The following PPP2R3A variants were observed in gnomAD, a reference collection of about 807,000 sequenced individuals.
PPP2R3A encodes protein phosphatase 2 regulatory subunit B''alpha, also known as serine/threonine-protein phosphatase 2A regulatory subunit B'' subunit alpha.
Under a neutral mutation model 106.9 loss-of-function variants are expected in PPP2R3A, and 80 were observed. The observed-to-expected ratio is 0.75, with a 90% CI of 0.62 to 0.90. The LOEUF is 0.90. Among genes scored for constraint, PPP2R3A ranks in the 40% least tolerant of loss-of-function variants. The pLI is 0.00. For synonymous variants in PPP2R3A, 483 were observed against 468.3 expected, an observed-to-expected ratio of 1.03 and a Z score of -0.41; for missense variants, 1,386 against 1,350.4, an observed-to-expected ratio of 1.03 and a Z score of -0.41.
At chr3:135,967,745 G>A in intron 1 of PPP2R3A, among the ~76,000 whole-genome samples, 1 of 152,062 alleles carries the variant, frequency 6.6e-6, no homozygotes, top group Non-Finnish European at 1.5e-5. Flanking sequence ...AAAGAAAACA[G>A]ATATTTAAAA....
At chr3:136,024,830 C>T (rs935434530) in intron 2 of PPP2R3A, among the ~76,000 whole-genome samples, 2 of 151,900 alleles carry the variant, frequency 1.3e-5, no homozygotes, top group African/African-American at 4.8e-5. Context: ...AGGTAAAGCC[C>T]CTGAAGAATT....
At chr3:136,079,200 T>A (rs1576485937) in intron 7 of PPP2R3A, 1 of 455,122 alleles carries the variant, frequency 2.2e-6, no homozygotes, top group Non-Finnish European at 4.4e-6. Context: ...ATACAAACAT[T>A]TTTTTATTCT....
intron 8 of PPP2R3A, among the ~76,000 whole-genome samples, chr3:136,085,465 A>T (rs1040721465): frequency 7.2e-5 from 11 of 152,150 alleles, no homozygotes; most frequent in African/African-American, 2.7e-4. Context: ...AGACTAATAC[A>T]GATGGGGTTT....
chr3:136,003,639 G>T, intron 2 of PPP2R3A, 146 bp downstream of exon 2: 1 of 655,074 alleles, frequency 1.5e-6, no homozygotes, highest in Non-Finnish European at 2.4e-6. Flanking sequence ...TCAGCTCAGA[G>T]TCAGTAAAAA....
intron 13 of PPP2R3A, among the ~76,000 whole-genome samples, chr3:136,141,556 C>T (rs1184318148): frequency 2.0e-5 from 3 of 152,118 alleles, no homozygotes; most frequent in African/African-American, 7.2e-5. Context: ...AATAAGGAAG[C>T]CATTACATAC....
intron 13 of PPP2R3A, among the ~76,000 whole-genome samples, chr3:136,129,580 C>T (rs1424777818): frequency 4.0e-4 from 61 of 152,148 alleles, no homozygotes; most frequent in Admixed American, 4.6e-4. Context: ...CCAAATTCTA[C>T]CAGAGGTACA....
At position 136,100,149 on chromosome 3, in the gene PPP2R3A, T is replaced by C. The variant is rs140274954; in HGVS notation, c.2928-1858T>C. Among the ~76,000 whole-genome samples, 9 of 152,166 alleles carry C rather than the reference T, an allele frequency of 5.9e-5. No individual in the cohort carries two copies. The East Asian group carries it at 7.7e-4, about 13-fold the overall frequency. The stretch of plus-strand genomic sequence containing the variant: ...ACAAAATGGGTTACAGTCAAAGGAA[T>C]AGATACCAATAAAGCTTTAGACTTC... On this transcript the variant is annotated intron_variant, in intron 10 of 13. Coordinates refer to ENST00000264977, the MANE Select transcript of PPP2R3A (RefSeq NM_002718.5).
intron 1 of PPP2R3A, among the ~76,000 whole-genome samples, chr3:135,975,133 C>G (rs530565411): frequency 2.0e-5 from 3 of 152,280 alleles, no homozygotes; most frequent in Non-Finnish European, 4.4e-5. Flanking sequence ...AGGTTGAGAC[C>G]CCTTTCCCAT....
At chr3:136,030,778 A>ATATATATATATATATATATG (rs1206335696) in intron 3 of PPP2R3A, among the ~76,000 whole-genome samples, 411 of 111,196 alleles carry the variant, frequency 3.7e-3, no homozygotes, top group Non-Finnish European at 6.4e-3. Context: ...ATATATATAT[A>ATATATATATATATATATATG]TATGTATGTA....
chr3:136,142,723 C>T (rs1199710954), intron 13 of PPP2R3A, among the ~76,000 whole-genome samples: 1 of 152,182 alleles, frequency 6.6e-6, no homozygotes, highest in Admixed American at 6.5e-5. Flanking sequence ...ATAATCCTAG[C>T]ATTTGGCTCT....
chr3:136,099,721 C>T (rs562275053), intron 10 of PPP2R3A, among the ~76,000 whole-genome samples: 3 of 151,414 alleles, frequency 2.0e-5, no homozygotes, highest in South Asian at 4.2e-4. Context: ...TGGTACAGGC[C>T]ACATAGGTAA....
At chr3:136,120,823 A>T (rs2108000173) in intron 13 of PPP2R3A, among the ~76,000 whole-genome samples, 2 of 152,314 alleles carry the variant, frequency 1.3e-5, no homozygotes, top group African/African-American at 4.8e-5. Context: ...AAGCATATGA[A>T]AAAATGTTCA....
At position 136,107,283 on chromosome 3, in the gene PPP2R3A, TATTC is replaced by T. The variant is rs372183787; in HGVS notation, c.3329+963_3329+966del. 6.4e-4 allele frequency among the ~76,000 whole-genome samples: 98 copies of T among 152,234 alleles called. 1 individual carries two copies. The East Asian group carries it at 0.018, about 28-fold the overall frequency. ...TTTTGAACAGGCACTATTCATATAATATTCAAAGAAACAAAAGAAATAGTAAAAA... is the reference window on the plus strand; with the variant it reads ...TTTTGAACAGGCACTATTCATATAATAAAGAAACAAAAGAAATAGTAAAAA... On this transcript the variant is annotated intron_variant, in intron 13 of 13. Coordinates refer to ENST00000264977, the MANE Select transcript of PPP2R3A (RefSeq NM_002718.5).
At chr3:136,132,618 TAAAG>T (rs1358842087) in intron 13 of PPP2R3A, among the ~76,000 whole-genome samples, 1 of 151,788 alleles carries the variant, frequency 6.6e-6, no homozygotes, top group East Asian at 1.9e-4. Flanking sequence ...TGAGAGAAAT[TAAAG>T]AAGACCTAAA....
intron 5 of PPP2R3A, among the ~76,000 whole-genome samples, chr3:136,070,269 CT>C (rs1330987195): frequency 1.3e-5 from 2 of 152,118 alleles, no homozygotes; most frequent in Admixed American, 6.5e-5. Context: ...CAAACTTCAA[CT>C]TTTTTTGAAG....
chr3:136,145,150 C>CT lies in PPP2R3A; in HGVS notation c.3437_3438insT (p.Val1147SerfsTer3). 6.2e-7 allele frequency: 1 copy of CT among 1,611,438 alleles called. No homozygotes were observed. The highest frequency in any genetic ancestry group is 8.5e-7 in the Non-Finnish European group (1 of 1,179,222). On this transcript the variant is annotated frameshift_variant, in exon 14 of 14. Coordinates refer to ENST00000264977, the MANE Select transcript of PPP2R3A (RefSeq NM_002718.5). LOFTEE classifies it high-confidence loss of function. ...CCAGAGAAATGTGGAAAGCTTCAAT[C>CT]AGTGGATGAAGAATAGCTGCCGGTG...
rs146683452 is a variant in PPP2R3A at position 136,120,860 on chromosome 3, A to G, written c.3329+14538A>G. Among the ~76,000 whole-genome samples the G allele has an allele frequency of 7.5e-3, 1,145 of 152,286 alleles. 18 individuals are homozygous for G. Among genetic ancestry groups the G allele is most frequent in the African/African-American group, 0.026 (1,081 of 41,556 alleles). ...CATCACTAATCATTAGAGAAATGCA[A>G]ATCAAAACCACAATGAGATACTATC... is the stretch of plus-strand genomic sequence containing the variant. On this transcript the variant is annotated intron_variant, in intron 13 of 13. Transcript: ENST00000264977.
intron 13 of PPP2R3A, among the ~76,000 whole-genome samples, chr3:136,140,372 C>T (rs2108034625): frequency 6.7e-6 from 1 of 150,222 alleles, no homozygotes. Flanking sequence ...AGGAGGATTC[C>T]TTGAGCCTAG....
At chr3:136,102,685 A>G (rs925655057) in intron 11 of PPP2R3A, among the ~76,000 whole-genome samples, 4 of 152,100 alleles carry the variant, frequency 2.6e-5, no homozygotes, top group Admixed American at 6.6e-5. Context: ...TATTTAAGAA[A>G]TAGGATTTTA....
Sources: allele counts gnomAD v4.1 joint callset (sites outside exome capture counted in the v4.1 genomes callset), GRCh38; gene constraint gnomAD v4.1.1; transcripts MANE v1.5; gene names NCBI Gene and HGNC (gene_info 2026-07-23, HGNC 2026-07-21).